SLC44A1: variants seen among roughly 807,000 people sequenced by gnomAD.
The protein encoded by SLC44A1 is solute carrier family 44 member 1.
SLC44A1 carries 26 observed loss-of-function variants against 79.3 expected under a neutral mutation model. The ratio of observed to expected loss-of-function variants is 0.33; its 90% confidence interval spans 0.24 to 0.46. SLC44A1 has a LOEUF of 0.46. Among genes scored for constraint, SLC44A1 ranks in the 20% least tolerant of loss-of-function variants. The probability of loss-of-function intolerance (pLI) is 1.00; values close to 1 mark genes in which losing one functional copy is unlikely to be tolerated. For missense variants in SLC44A1, 688 were observed against 798.1 expected (o/e 0.86, Z 1.66); for synonymous variants, 263 against 286.2 (o/e 0.92, Z 0.82).
rs560692200 is a variant in SLC44A1 at position 105,421,651 on chromosome 9, G to A, written c.1951-16630G>A. ...CCAGGTAGGCAGAGTGCAGTGGCGC[G>A]ATCTCGGCTCACTGCAAGCTCCGCT... On this transcript the variant is annotated intron_variant, in intron 15 of 15. Transcript: ENST00000374724. Among the ~76,000 whole-genome samples, 4 of 149,610 alleles carry A rather than the reference G, an allele frequency of 2.7e-5. No homozygotes were observed. The South Asian group carries it at 6.4e-4, about 24-fold the overall frequency.
At chr9:105,258,613 G>A (rs1829767189) in intron 1 of SLC44A1, among the ~76,000 whole-genome samples, 1 of 152,156 alleles carries the variant, frequency 6.6e-6, no homozygotes, top group Admixed American at 6.5e-5. Context: ...ATATTAAATG[G>A]TAGATTGAAT....
chr9:105,364,248 G>A (rs186504220), intron 9 of SLC44A1, among the ~76,000 whole-genome samples: 71 of 151,422 alleles, frequency 4.7e-4, no homozygotes, highest in Non-Finnish European at 8.7e-4. Context: ...TAAATAATAG[G>A]CCTTGAAAAA....
Position 105,397,090 on chromosome 9 carries a change from T to C in SLC44A1, c.*8034T>C, listed in dbSNP as rs1367574314. 2.0e-6 allele frequency: 2 copies of C among 985,298 alleles called. No homozygotes were observed. Among genetic ancestry groups the C allele is most frequent in the African/African-American group, 1.7e-5 (1 of 57,254 alleles). 61.0% of individuals were successfully genotyped at this position (985,298 alleles called of 1,614,324 possible). On this transcript the variant is annotated 3_prime_UTR_variant, in exon 16 of 16. Transcript: ENST00000374720. ...TTTCTGGAGTTGGAGTTATCAAATC[T>C]TGCTGGGAAATTAACTTCCAAGAGC... is the stretch of plus-strand genomic sequence containing the variant.
intron 15 of SLC44A1, among the ~76,000 whole-genome samples, chr9:105,403,940 T>C (rs549639160): frequency 6.6e-6 from 1 of 151,926 alleles, no homozygotes; most frequent in African/African-American, 2.4e-5. Flanking sequence ...GAGGACTTGC[T>C]GAAAGATTTT....
At chr9:105,425,699 T>C (rs969185768) in intron 15 of SLC44A1, among the ~76,000 whole-genome samples, 8 of 152,182 alleles carry the variant, frequency 5.3e-5, no homozygotes, top group Non-Finnish European at 1.0e-4. Context: ...GGCGGGTGCC[T>C]GTAATCCCAG....
intron 3 of SLC44A1, among the ~76,000 whole-genome samples, chr9:105,334,254 T>C (rs1209158285): frequency 6.6e-6 from 1 of 151,680 alleles, no homozygotes; most frequent in Non-Finnish European, 1.5e-5. Context: ...TTTTTTTTTT[T>C]CGTTTGGTAA....
chr9:105,360,101 G>A (rs560195665), intron 7 of SLC44A1, among the ~76,000 whole-genome samples: 5 of 152,176 alleles, frequency 3.3e-5, no homozygotes, highest in African/African-American at 4.8e-5. Flanking sequence ...ACCACTTTCC[G>A]CATTGCTCAT....
At chr9:105,291,680 A>C (rs1268672410) in intron 1 of SLC44A1, among the ~76,000 whole-genome samples, 2 of 152,168 alleles carry the variant, frequency 1.3e-5, no homozygotes, top group Non-Finnish European at 2.9e-5. Flanking sequence ...CTTCTCAGGT[A>C]TAGTGGCTTT....
chr9:105,324,240 C>T (rs1370534938), intron 3 of SLC44A1, among the ~76,000 whole-genome samples: 6 of 150,488 alleles, frequency 4.0e-5, no homozygotes, highest in African/African-American at 9.8e-5. Context: ...CGTGATTCAC[C>T]GTGCCCGGAA....
chr9:105,253,467 C>T (rs953287882), intron 1 of SLC44A1, among the ~76,000 whole-genome samples: 5 of 152,158 alleles, frequency 3.3e-5, no homozygotes, highest in Admixed American at 6.5e-5. Context: ...GTGGCTCACA[C>T]GTATAATCCC....
At chr9:105,292,448 G>T (rs1830623173) in intron 1 of SLC44A1, among the ~76,000 whole-genome samples, 1 of 152,160 alleles carries the variant, frequency 6.6e-6, no homozygotes, top group Non-Finnish European at 1.5e-5. Context: ...AATGAAGTGA[G>T]AAATGGCTGA....
At chr9:105,438,262 T>C (rs1385406939) in intron 15 of SLC44A1, 3 of 1,549,496 alleles carry the variant, frequency 1.9e-6, no homozygotes, top group Non-Finnish European at 2.6e-6. Context: ...GCATTCATTT[T>C]CTTGATGTGT....
At position 105,246,354 on chromosome 9, in the gene SLC44A1, A is replaced by G. The variant is rs369363750; in HGVS notation, c.36+1450A>G. Among the ~76,000 whole-genome samples, 14 of 149,102 alleles carry G rather than the reference A, an allele frequency of 9.4e-5. No individual in the cohort carries two copies. The East Asian group carries it at 2.2e-3, about 23-fold the overall frequency. ...TTGTGTTTTATTAGGTATCCATCCT[A>G]TCATCCTATTCCTCCAGTCTTTTTT... On this transcript the variant is annotated intron_variant, in intron 1 of 15. Transcript: ENST00000374720.
chr9:105,392,403 CTTTTTTTTTT>C lies in SLC44A1; in HGVS notation c.*3365_*3374del, dbSNP rs57226567. On this transcript the variant is annotated 3_prime_UTR_variant, in exon 16 of 16. Transcript: ENST00000374720. Reference sequence around the variant, plus strand: ...GTAGAGATGCTCTCTCTCTCTCTCTCTTTTTTTTTTTTTTTTTTTTTTTTTTTCCGTGAGG... The same window carrying C: ...GTAGAGATGCTCTCTCTCTCTCTCTCTTTTTTTTTTTTTTTTTCCGTGAGG... 270 of 610,606 alleles carry C rather than the reference CTTTTTTTTTT, an allele frequency of 4.4e-4. No individual in the cohort carries two copies. Among genetic ancestry groups the C allele is most frequent in the Middle Eastern group, 8.5e-4 (1 of 1,176 alleles). 37.8% of individuals were successfully genotyped at this position (610,606 alleles called of 1,614,324 possible).
Position 105,244,849 on chromosome 9 carries a change from C to T in SLC44A1, c.-20C>T, listed in dbSNP as rs1276237507. ...GTAGCTGCGCGCCCGGCGCCGCCTC[C>T]GGGCTCCTTCGGCCCCGCCATGGGC... is the stretch of plus-strand genomic sequence containing the variant. On this transcript the variant is annotated 5_prime_UTR_variant, in exon 1 of 16. Transcript: ENST00000374720. 23 of 1,127,956 alleles carry T rather than the reference C, an allele frequency of 2.0e-5. No individual in the cohort carries two copies. The highest frequency in any genetic ancestry group is 2.5e-5 in the Non-Finnish European group (23 of 923,288). The allele number at this position is 1,127,956 out of a possible 1,614,324, so 69.9% of individuals were successfully genotyped here. A position where few individuals can be genotyped will look rare whatever the true frequency, so the allele number is the denominator to read the frequency against.
chr9:105,274,936 C>T (rs1315203399), intron 1 of SLC44A1, among the ~76,000 whole-genome samples: 2 of 152,106 alleles, frequency 1.3e-5, no homozygotes, highest in African/African-American at 2.4e-5. Flanking sequence ...TCTTTCATAA[C>T]CTTGATCCTA....
chr9:105,381,723 G>A (rs1666635703), intron 13 of SLC44A1, among the ~76,000 whole-genome samples: 1 of 152,058 alleles, frequency 6.6e-6, no homozygotes, highest in Non-Finnish European at 1.5e-5. Flanking sequence ...AAAATGGTGG[G>A]GAGTCTTCCA....
intron 6 of SLC44A1, among the ~76,000 whole-genome samples, chr9:105,357,816 T>C (rs1208099238): frequency 1.3e-5 from 2 of 152,176 alleles, no homozygotes; most frequent in Non-Finnish European, 1.5e-5. Flanking sequence ...CGGACCATCC[T>C]TTGGAGTTCT....
At chr9:105,347,311 C>T (rs1019379445) in intron 4 of SLC44A1, among the ~76,000 whole-genome samples, 2 of 151,894 alleles carry the variant, frequency 1.3e-5, no homozygotes, top group African/African-American at 4.8e-5. Context: ...AAGTATTTGA[C>T]CAAATTAGTA....
Sources: allele counts gnomAD v4.1 joint callset (sites outside exome capture counted in the v4.1 genomes callset), GRCh38; gene constraint gnomAD v4.1.1; transcripts MANE v1.5; gene names NCBI Gene and HGNC (gene_info 2026-07-23, HGNC 2026-07-21).